Variants in ATXN10 observed in about 807,000 individuals in gnomAD.
ATXN10 encodes ataxin 10, also known as ataxin-10.
ATXN10 carries 28 observed loss-of-function variants against 52.9 expected under a neutral mutation model. That is an observed-to-expected ratio of 0.53 (90% CI 0.39 to 0.73). The LOEUF is 0.73. Among genes scored for constraint, ATXN10 ranks in the 30% least tolerant of loss-of-function variants. The pLI, the probability that ATXN10 is intolerant of heterozygous loss-of-function variation, is 0.00. For missense variants in ATXN10, 565 were observed against 577.0 expected (o/e 0.98, Z 0.21); for synonymous variants, 226 against 221.5 (o/e 1.02, Z -0.18).
rs899365457 is a variant in ATXN10, at chr22:45,678,228, A to G, written c.116+6049A>G. ...TAAAATGAACAACATGGCAAATTTT[A>G]TGTTATATATATGTATTTTACCACA... On this transcript the variant is annotated intron_variant, in intron 1 of 11. Coordinates refer to ENST00000252934, the MANE Select transcript of ATXN10 (RefSeq NM_013236.4). The surrounding 1 kb of genome is among the most constrained non-coding windows in gnomAD (Gnocchi z 4.1). 5.3e-5 allele frequency: 8 copies of G among 152,228 alleles called. No individual in the cohort carries two copies. Among genetic ancestry groups the G allele is most frequent in the Non-Finnish European group, 7.3e-5 (5 of 68,038 alleles). The allele number at this position is 152,228 out of a possible 1,614,324, so 9.4% of individuals were successfully genotyped here. A position where few individuals can be genotyped will look rare whatever the true frequency, so the allele number is the denominator to read the frequency against.
intron 9 of ATXN10, among the ~76,000 whole-genome samples, chr22:45,767,812 A>G (rs1173972702): frequency 6.6e-6 from 1 of 152,200 alleles, no homozygotes; most frequent in East Asian, 1.9e-4. Flanking sequence ...CTAGTGGGGT[A>G]TAGCCTAGGA....
chr22:45,793,733 C>T, intron 9 of ATXN10: 1 of 1,447,534 alleles, frequency 6.9e-7, no homozygotes, highest in East Asian at 2.8e-5. Context: ...TACTGAGGAG[C>T]TCTTGCCACC....
rs964448449 is a variant in ATXN10 at position 45,824,275 on chromosome 22, T to C, written c.1237+17253T>C. ...CCCCTTTCTACATTTGGCCAACTCC[T>C]ACTCACCTTTGAGTTTGATTTAAAT... On this transcript the variant is annotated intron_variant, in intron 10 of 11. Transcript: ENST00000252934. This position sits in a 1 kb window ranked among gnomAD's most constrained non-coding sequence, Gnocchi z 5.2. Among the ~76,000 whole-genome samples the C allele has an allele frequency of 1.3e-5, 2 of 152,188 alleles. No individual in the cohort carries two copies. Among genetic ancestry groups the C allele is most frequent in the South Asian group, 2.1e-4 (1 of 4,830 alleles).
rs959283092 is a variant in ATXN10 at position 45,818,590 on chromosome 22, C to T, written c.1237+11568C>T. 3.3e-5 allele frequency among the ~76,000 whole-genome samples: 5 copies of T among 152,084 alleles called. No individual in the cohort carries two copies. The highest frequency in any genetic ancestry group is 7.2e-5 in the African/African-American group (3 of 41,394). ...TGAAGGTGACCACCCTCGCTTTCAGCGGACCGGGGCAGGGATCAGGGATCA... is the reference window on the plus strand; with the variant it reads ...TGAAGGTGACCACCCTCGCTTTCAGTGGACCGGGGCAGGGATCAGGGATCA... On this transcript the variant is annotated intron_variant, in intron 10 of 11. Transcript: ENST00000252934. The surrounding 1 kb of genome is among the most constrained non-coding windows in gnomAD (Gnocchi z 4.6).
chr22:45,784,006 C>A lies in ATXN10; in HGVS notation c.1174-22953C>A, dbSNP rs192988586. On this transcript the variant is annotated intron_variant, in intron 9 of 11. Coordinates refer to ENST00000252934, the MANE Select transcript of ATXN10 (RefSeq NM_013236.4). The surrounding 1 kb of genome is among the most constrained non-coding windows in gnomAD (Gnocchi z 4.2). ...TCCCTGACTGCTTTGCAGGCCGTCC[C>A]CTGTCCTACAGCAGGCCAGGTCTGT... 6.6e-6 allele frequency among the ~76,000 whole-genome samples: 1 copy of A among 152,318 alleles called. No individual in the cohort carries two copies. Among genetic ancestry groups the A allele is most frequent in the East Asian group, 1.9e-4 (1 of 5,180 alleles).
intron 7 of ATXN10, 113 bp downstream of exon 7, chr22:45,729,703 G>A (rs1223735291): frequency 8.7e-7 from 1 of 1,155,090 alleles, no homozygotes; most frequent in Non-Finnish European, 1.3e-6. Flanking sequence ...TATTATGTAA[G>A]TAATGTATCC....
At chr22:45,703,918 C>A (rs1923937206) in intron 5 of ATXN10, 2 of 152,364 alleles carry the variant, frequency 1.3e-5, no homozygotes, top group African/African-American at 2.4e-5. Context: ...AAGCCTCAGG[C>A]CCCTCCCATC....
At chr22:45,737,966 G>A (rs1328372288) in intron 7 of ATXN10, among the ~76,000 whole-genome samples, 1 of 152,096 alleles carries the variant, frequency 6.6e-6, no homozygotes, top group Non-Finnish European at 1.5e-5. Flanking sequence ...GCCTCCCAAT[G>A]TGAAGAATGT....
At position 45,730,998 on chromosome 22, in the gene ATXN10, T is replaced by G. The variant is rs192670259; in HGVS notation, c.894+1408T>G. ...TTATTTAAACTATTTTTTATTCTCC[T>G]TAAGCCTACCTTAGATCATTCAGGT... On this transcript the variant is annotated intron_variant, in intron 7 of 11. Coordinates refer to ENST00000252934, the MANE Select transcript of ATXN10 (RefSeq NM_013236.4). 5.4e-4 allele frequency among the ~76,000 whole-genome samples: 82 copies of G among 152,364 alleles called. 1 individual carries two copies. In the East Asian group the frequency reaches 0.012, roughly 23 times the overall value.
At chr22:45,764,202 C>T (rs981928434) in intron 9 of ATXN10, among the ~76,000 whole-genome samples, 3 of 152,068 alleles carry the variant, frequency 2.0e-5, no homozygotes, top group Non-Finnish European at 2.9e-5. Context: ...GGGGAGTTCC[C>T]TCTCTGCAGG....
chr22:45,730,023 A>C (rs1233648101), intron 7 of ATXN10, among the ~76,000 whole-genome samples: 1 of 152,182 alleles, frequency 6.6e-6, no homozygotes, highest in Admixed American at 6.6e-5. Flanking sequence ...ATAAATAAAT[A>C]ATACATTGTA....
rs557765456 is a variant in ATXN10 at position 45,783,219 on chromosome 22, G to A, written c.1174-23740G>A. On this transcript the variant is annotated intron_variant, in intron 9 of 11. Coordinates refer to ENST00000252934, the MANE Select transcript of ATXN10 (RefSeq NM_013236.4). This position sits in a 1 kb window ranked among gnomAD's most constrained non-coding sequence, Gnocchi z 5.0. ...TGTGATACCATGGCAGAATGGCTGGGGAGCATAAATAGTGTGGGTGTGCTG... is the reference window on the plus strand; with the variant it reads ...TGTGATACCATGGCAGAATGGCTGGAGAGCATAAATAGTGTGGGTGTGCTG... Among the ~76,000 whole-genome samples, 9 of 152,264 alleles carry A rather than the reference G, an allele frequency of 5.9e-5. No individual in the cohort carries two copies. The South Asian group carries it at 1.7e-3, about 28-fold the overall frequency.
intron 3 of ATXN10, among the ~76,000 whole-genome samples, chr22:45,694,730 C>T (rs1025448710): frequency 1.3e-5 from 2 of 151,332 alleles, no homozygotes; most frequent in Admixed American, 1.3e-4. Context: ...TGTAGTGAGC[C>T]GAGATCGTGC....
At chr22:45,699,707 G>T (rs1371883601) in intron 3 of ATXN10, among the ~76,000 whole-genome samples, 2 of 151,750 alleles carry the variant, frequency 1.3e-5, no homozygotes, top group Non-Finnish European at 2.9e-5. Flanking sequence ...GGCCAGGCTG[G>T]TCTCGAACTC....
chr22:45,811,580 A>G (rs1428358353), intron 10 of ATXN10: 3 of 381,900 alleles, frequency 7.9e-6, no homozygotes, highest in South Asian at 3.9e-5. Flanking sequence ...TCTATAGTCT[A>G]GAAGCAGTAG....
At position 45,746,352 on chromosome 22, in the gene ATXN10, C is replaced by T. The variant is rs149105469; in HGVS notation, c.1173+5814C>T. 2.8e-4 allele frequency among the ~76,000 whole-genome samples: 42 copies of T among 150,008 alleles called. 1 individual carries two copies. The East Asian group carries it at 4.7e-3, about 17-fold the overall frequency. On this transcript the variant is annotated intron_variant, in intron 9 of 11. Coordinates refer to ENST00000252934, the MANE Select transcript of ATXN10 (RefSeq NM_013236.4). Reference sequence around the variant, plus strand: ...TCCTGTCTGAAATGTTTTCAAGCAGCGTATTTGTCTGTTAAATCATGAAAA... The same window carrying T: ...TCCTGTCTGAAATGTTTTCAAGCAGTGTATTTGTCTGTTAAATCATGAAAA...
At chr22:45,829,513 C>T (rs1928921806) in intron 10 of ATXN10, among the ~76,000 whole-genome samples, 1 of 152,154 alleles carries the variant, frequency 6.6e-6, no homozygotes, top group African/African-American at 2.4e-5. Context: ...CATTAAAACT[C>T]ATGTTTTAAT....
In ATXN10 at chr22:45,840,816, G is replaced by A. The variant is rs1009033657; in HGVS notation, c.1238-2175G>A. ...TTATATTTAAGTGAATAACCAGGAC[G>A]TTTCAGAAAGGAGTGTTATGCTTCT... On this transcript the variant is annotated intron_variant, in intron 10 of 11. Coordinates refer to ENST00000252934, the MANE Select transcript of ATXN10 (RefSeq NM_013236.4). The surrounding 1 kb of genome is among the most constrained non-coding windows in gnomAD (Gnocchi z 5.8). Among the ~76,000 whole-genome samples the A allele has an allele frequency of 5.3e-5, 8 of 152,174 alleles. No homozygotes were observed. The highest frequency in any genetic ancestry group is 1.9e-4 in the African/African-American group (8 of 41,426).
rs1367406941 is a variant in ATXN10 at position 45,819,146 on chromosome 22, T to G, written c.1237+12124T>G. 6.6e-6 allele frequency among the ~76,000 whole-genome samples: 1 copy of G among 152,118 alleles called. No individual in the cohort carries two copies. The highest frequency in any genetic ancestry group is 2.4e-5 in the African/African-American group (1 of 41,414). On this transcript the variant is annotated intron_variant, in intron 10 of 11. Coordinates refer to ENST00000252934, the MANE Select transcript of ATXN10 (RefSeq NM_013236.4). This position sits in a 1 kb window ranked among gnomAD's most constrained non-coding sequence, Gnocchi z 4.5. ...AACAGTACATTTAACAGAGTAGCCA[T>G]CCTGCATTCCTCCTGGTTTCTCTGT...
Sources: gnomAD v4.1 joint callset for allele counts (sites outside exome capture counted in the v4.1 genomes callset) on GRCh38, gnomAD v4.1.1 for gene constraint, Gnocchi (gnomAD v3.1) non-coding constraint, MANE v1.5 for transcripts, NCBI Gene and HGNC (gene_info 2026-07-23, HGNC 2026-07-21) for gene names.